The following PABPC4L variants were observed in gnomAD, a reference collection of about 807,000 sequenced individuals.
The protein encoded by PABPC4L is poly(A) binding protein cytoplasmic 4 like.
For synonymous variants in PABPC4L, 169 were observed against 164.1 expected (o/e 1.03, Z -0.23); for missense variants, 452 against 451.4 (o/e 1.00, Z -0.01).
At chr4:134,111,904 A>C in the PABPC4L span, among the ~76,000 whole-genome samples, 1 of 152,010 alleles carries the variant, frequency 6.6e-6, no homozygotes, top group Admixed American at 6.6e-5. Context: ...AGGCACAAAG[A>C]TTTTATTACC....
the PABPC4L span, among the ~76,000 whole-genome samples, chr4:133,995,226 G>C: frequency 1.3e-5 from 2 of 152,144 alleles, no homozygotes; most frequent in East Asian, 3.9e-4. Flanking sequence ...TATAGAATGG[G>C]GTTCTTTTCC....
At chr4:134,006,156 A>G in the PABPC4L span, among the ~76,000 whole-genome samples, 1 of 151,944 alleles carries the variant, frequency 6.6e-6, no homozygotes, top group African/African-American at 2.4e-5. Flanking sequence ...GTTGAGAAAG[A>G]GTGGACACAG....
At chr4:134,049,596 A>C in the PABPC4L span, among the ~76,000 whole-genome samples, 1 of 152,150 alleles carries the variant, frequency 6.6e-6, no homozygotes, top group African/African-American at 2.4e-5. Context: ...GTAACAGGCA[A>C]TTCATCATGT....
the PABPC4L span, among the ~76,000 whole-genome samples, chr4:134,171,967 A>C: frequency 6.6e-6 from 1 of 152,100 alleles, no homozygotes; most frequent in South Asian, 2.1e-4. Flanking sequence ...CAGGGGCATG[A>C]AATATCTCTA....
At chr4:133,981,812 T>C in the PABPC4L span, among the ~76,000 whole-genome samples, 1 of 152,062 alleles carries the variant, frequency 6.6e-6, no homozygotes, top group East Asian at 1.9e-4. Flanking sequence ...TCTTTATTAG[T>C]TTCATTTTGC....
the PABPC4L span, among the ~76,000 whole-genome samples, chr4:133,967,238 A>T: frequency 2.0e-3 from 304 of 152,252 alleles, 1 homozygote; most frequent in African/African-American, 7.0e-3. Flanking sequence ...TTGGAGGCCC[A>T]GACAAGACGA....
the PABPC4L span, among the ~76,000 whole-genome samples, chr4:134,008,089 T>C: frequency 5.9e-5 from 9 of 151,874 alleles, no homozygotes; most frequent in African/African-American, 2.2e-4. Context: ...TATGTTGCTC[T>C]CCACTCTTAA....
the PABPC4L span, among the ~76,000 whole-genome samples, chr4:134,184,856 G>A: frequency 2.0e-5 from 3 of 151,880 alleles, no homozygotes; most frequent in South Asian, 6.2e-4. Flanking sequence ...GGAATTTGAT[G>A]TTCTCAGTGT....
chr4:134,095,598 C>A, the PABPC4L span, among the ~76,000 whole-genome samples: 2 of 152,034 alleles, frequency 1.3e-5, no homozygotes, highest in African/African-American at 2.4e-5. Flanking sequence ...TTCAAATCTG[C>A]AACTTCTAAG....
chr4:134,069,350 G>T, the PABPC4L span, among the ~76,000 whole-genome samples: 1 of 151,992 alleles, frequency 6.6e-6, no homozygotes. Context: ...TGCATTTTTT[G>T]AACTTGAATG....
At chr4:134,043,938 G>A in the PABPC4L span, among the ~76,000 whole-genome samples, 9 of 151,268 alleles carry the variant, frequency 5.9e-5, no homozygotes, top group African/African-American at 2.2e-4. Context: ...GTCGACGGAT[G>A]TCTGTGTGTG....
chr4:134,040,205 G>GAAAAA, the PABPC4L span, among the ~76,000 whole-genome samples: 1 of 113,430 alleles, frequency 8.8e-6, no homozygotes. Context: ...CACAGAATTG[G>GAAAAA]AAAAAAAAAA....
the PABPC4L span, among the ~76,000 whole-genome samples, chr4:133,983,603 C>T: frequency 6.6e-6 from 1 of 151,660 alleles, no homozygotes. Context: ...AGCAAGTATG[C>T]CACAGCCTTA....
At chr4:134,089,385 C>T in the PABPC4L span, among the ~76,000 whole-genome samples, 7 of 152,074 alleles carry the variant, frequency 4.6e-5, no homozygotes, top group Admixed American at 1.3e-4. Flanking sequence ...AATTGATGAA[C>T]TACATCCACA....
the PABPC4L span, among the ~76,000 whole-genome samples, chr4:134,029,963 AAGG>A: frequency 1.3e-5 from 2 of 151,846 alleles, no homozygotes; most frequent in African/African-American, 4.8e-5. Flanking sequence ...ATGGTTTTAT[AAGG>A]AGATTTTTCC....
At chr4:134,051,871 C>G in the PABPC4L span, among the ~76,000 whole-genome samples, 1 of 151,886 alleles carries the variant, frequency 6.6e-6, no homozygotes, top group African/African-American at 2.4e-5. Context: ...TTATACATGT[C>G]TTCAGATGTT....
At chr4:134,173,098 T>A in the PABPC4L span, among the ~76,000 whole-genome samples, 3 of 136,290 alleles carry the variant, frequency 2.2e-5, no homozygotes, top group Admixed American at 1.7e-4. Flanking sequence ...GAAACTCTTG[T>A]ACACTGGTGA....
At chr4:134,104,136 A>T in the PABPC4L span, among the ~76,000 whole-genome samples, 1 of 151,786 alleles carries the variant, frequency 6.6e-6, no homozygotes, top group Non-Finnish European at 1.5e-5. Flanking sequence ...CAGTATCACC[A>T]ATCAGAATCA....
At chr4:134,184,338 A>T in the PABPC4L span, among the ~76,000 whole-genome samples, 194 of 152,000 alleles carry the variant, frequency 1.3e-3, no homozygotes, top group Non-Finnish European at 2.2e-3. Flanking sequence ...AAAAAATTCC[A>T]AGTGGATTGT....
Sources: gnomAD v4.1 joint callset for allele counts (sites outside exome capture counted in the v4.1 genomes callset) on GRCh38, gnomAD v4.1.1 for gene constraint, MANE v1.5 for transcripts, NCBI Gene and HGNC (gene_info 2026-07-23, HGNC 2026-07-21) for gene names.